KCNIP1: variants seen among roughly 807,000 people sequenced by gnomAD.
KCNIP1 encodes A-type potassium channel modulatory protein KCNIP1.
A neutral mutation model predicts 33.0 loss-of-function variants in KCNIP1; 18 were observed. That is an observed-to-expected ratio of 0.55 (90% confidence interval 0.38 to 0.81). The LOEUF (loss-of-function observed/expected upper bound fraction) is 0.81. Ranked by LOEUF, KCNIP1 falls within the 30% of genes least tolerant of loss-of-function variation. The probability of loss-of-function intolerance (pLI) is 0.00; values close to 1 mark genes in which losing one functional copy is unlikely to be tolerated. For synonymous variants in KCNIP1, 93 were observed against 98.3 expected (o/e 0.95, Z 0.32); for missense variants, 238 against 271.6 (o/e 0.88, Z 0.87).
chr5:170,615,164 A>G (rs932143444), intron 1 of KCNIP1, among the ~76,000 whole-genome samples: 4 of 152,206 alleles, frequency 2.6e-5, no homozygotes, highest in Non-Finnish European at 2.9e-5. Context: ...GCAGTGCGCC[A>G]AGATCGCGCC....
intron 1 of KCNIP1, among the ~76,000 whole-genome samples, chr5:170,593,064 G>T (rs1758319881): frequency 6.6e-6 from 1 of 152,148 alleles, no homozygotes; most frequent in Admixed American, 6.5e-5. Flanking sequence ...GGACATACTG[G>T]TTGCCTCAGA....
chr5:170,364,496 A>G (rs1488578015), intron 1 of KCNIP1, among the ~76,000 whole-genome samples: 1 of 152,254 alleles, frequency 6.6e-6, no homozygotes, highest in Non-Finnish European at 1.5e-5. Context: ...AACTGTCTCC[A>G]GTGGTTTCTT....
intron 1 of KCNIP1, among the ~76,000 whole-genome samples, chr5:170,429,790 C>T (rs372841752): frequency 1.5e-4 from 23 of 152,300 alleles, no homozygotes; most frequent in East Asian, 3.9e-4. Context: ...CTGCAAAAGA[C>T]GCCTCACAGA....
chr5:170,552,090 G>A lies in KCNIP1; in HGVS notation c.61+47457G>A, dbSNP rs568115493. ...GGAGGGAGGACCAGTCCCCTACTGC[G>A]TAGATCGAGGATGCTGCCTTTACCC... On this transcript the variant is annotated intron_variant, in intron 1 of 7. Coordinates refer to ENST00000328939, the MANE Select transcript of KCNIP1 (RefSeq NM_014592.4). Among the ~76,000 whole-genome samples the A allele has an allele frequency of 5.8e-4, 88 of 152,156 alleles. 1 individual carries two copies. Among genetic ancestry groups the A allele is most frequent in the African/African-American group, 1.9e-3 (77 of 41,490 alleles).
intron 1 of KCNIP1, among the ~76,000 whole-genome samples, chr5:170,372,973 T>G (rs1218748311): frequency 6.6e-6 from 1 of 152,136 alleles, no homozygotes; most frequent in Non-Finnish European, 1.5e-5. Flanking sequence ...ACTCTGCAAC[T>G]GGGGGAGATG....
intron 1 of KCNIP1, among the ~76,000 whole-genome samples, chr5:170,450,290 C>G (rs966989282): frequency 6.6e-6 from 1 of 152,120 alleles, no homozygotes; most frequent in African/African-American, 2.4e-5. Flanking sequence ...TGGCCCAGTC[C>G]CTTAGCCGTG....
rs560349303 is a variant in KCNIP1, at chr5:170,491,901, T to A, written c.88+137937T>A. On this transcript the variant is annotated intron_variant, in intron 1 of 7. Transcript: ENST00000377360. ...AAATAGGGCCCAGCTCGATGGCATA[T>A]AAAGGCCCTCTGACTTCCAGTAGTA... Among the ~76,000 whole-genome samples, 6 of 152,344 alleles carry A rather than the reference T, an allele frequency of 3.9e-5. No individual in the cohort carries two copies. The South Asian group carries it at 1.2e-3, about 32-fold the overall frequency.
chr5:170,708,237 A>G (rs1038736185), intron 1 of KCNIP1, among the ~76,000 whole-genome samples: 1 of 152,244 alleles, frequency 6.6e-6, no homozygotes, highest in African/African-American at 2.4e-5. Context: ...AATCAAAAAG[A>G]TGATGTTAAA....
intron 1 of KCNIP1, among the ~76,000 whole-genome samples, chr5:170,467,130 C>T (rs964484549): frequency 4.6e-5 from 7 of 152,056 alleles, no homozygotes; most frequent in Non-Finnish European, 8.8e-5. Flanking sequence ...AATGTGCTGG[C>T]GGATGGCAAA....
chr5:170,641,740 TC>T (rs1760571444), intron 1 of KCNIP1, among the ~76,000 whole-genome samples: 1 of 152,122 alleles, frequency 6.6e-6, no homozygotes, highest in African/African-American at 2.4e-5. Flanking sequence ...GGCTGCCTGC[TC>T]CAAGGGAGGC....
intron 1 of KCNIP1, among the ~76,000 whole-genome samples, chr5:170,596,384 A>C (rs1256611354): frequency 2.6e-5 from 4 of 151,968 alleles, no homozygotes; most frequent in Non-Finnish European, 5.9e-5. Context: ...TAAGGGAGAA[A>C]CTCCTTCCTT....
chr5:170,553,238 T>C (rs1190593160), intron 1 of KCNIP1, among the ~76,000 whole-genome samples: 3 of 152,250 alleles, frequency 2.0e-5, no homozygotes, highest in Non-Finnish European at 4.4e-5. Flanking sequence ...TGCCTGGAGA[T>C]CATGTGACCT....
chr5:170,604,988 G>GCTCAGGAAAGGA (rs1232187430), intron 1 of KCNIP1, among the ~76,000 whole-genome samples: 1 of 152,220 alleles, frequency 6.6e-6, no homozygotes, highest in Non-Finnish European at 1.5e-5. Flanking sequence ...CCCTCCTCCA[G>GCTCAGGAAAGGA]CTCAGGAAAG....
intron 1 of KCNIP1, among the ~76,000 whole-genome samples, chr5:170,620,659 G>A (rs1759566453): frequency 6.6e-6 from 1 of 152,150 alleles, no homozygotes; most frequent in Admixed American, 6.5e-5. Context: ...GTATCAGGTT[G>A]AATTTTTGGA....
rs1449416369 is a variant in KCNIP1, at chr5:170,504,100, T to C, written c.-473T>C. 2 of 986,068 alleles carry C rather than the reference T, an allele frequency of 2.0e-6. No homozygotes were observed. The highest frequency in any genetic ancestry group is 2.3e-4 in the East Asian group (2 of 8,840). The allele number at this position is 986,068 out of a possible 1,614,324, so 61.1% of individuals were successfully genotyped here. ...GCTCCGCGCCGCGCGGTCCGGGCTC[T>C]GTTCATTCATGATTGGTACTCGGCC... is the stretch of plus-strand genomic sequence containing the variant. On this transcript the variant is annotated 5_prime_UTR_variant, in exon 1 of 8. Coordinates refer to ENST00000328939, the MANE Select transcript of KCNIP1 (RefSeq NM_014592.4). This position sits in a 1 kb window ranked among gnomAD's most constrained non-coding sequence, Gnocchi z 6.0.
At position 170,721,867 on chromosome 5, in the gene KCNIP1, C is replaced by G; in HGVS notation, c.291C>G (p.Ala97=). The G allele has an allele frequency of 6.2e-7, 1 of 1,614,152 alleles. No individual in the cohort carries two copies. The highest frequency in any genetic ancestry group is 2.2e-5 in the East Asian group (1 of 44,876). Residue 97 remains alanine, a synonymous_variant, in exon 4 of 8, where the codon GCC becomes GCG. Transcript: ENST00000328939. ...CGTATGCCCATTACCTCTTCAATGC[C>G]TTCGACACCACTCAGACAGGCTCCG... ...ASTYAHYLFN[A]FDTTQTGSVK...
chr5:170,447,044 G>C (rs947723434), intron 1 of KCNIP1, among the ~76,000 whole-genome samples: 3 of 151,104 alleles, frequency 2.0e-5, no homozygotes, highest in African/African-American at 7.3e-5. Context: ...AAGCTCAGGT[G>C]AATCTCCATC....
intron 1 of KCNIP1, among the ~76,000 whole-genome samples, chr5:170,674,155 GGAAGGAAGGAAGGAAGGAAGGAAGGA>G (rs1476590492): frequency 5.4e-4 from 42 of 77,318 alleles, no homozygotes; most frequent in African/African-American, 2.4e-3. Flanking sequence ...AAGGAAGGAA[GGAAGGAAGGAAGGAAGGAAGGAAGGA>G]AGGGAGGGAG....
intron 1 of KCNIP1, among the ~76,000 whole-genome samples, chr5:170,652,498 A>AGGAAGGAAGG (rs59160659): frequency 4.9e-4 from 51 of 103,050 alleles, no homozygotes; most frequent in African/African-American, 2.0e-3. Context: ...AAAAAAAAAA[A>AGGAAGGAAGG]AAGGAAGGAA....
Sources: gnomAD v4.1 joint callset for allele counts (sites outside exome capture counted in the v4.1 genomes callset) on GRCh38, gnomAD v4.1.1 for gene constraint, Gnocchi (gnomAD v3.1) non-coding constraint, MANE v1.5 for transcripts, NCBI Gene and HGNC (gene_info 2026-07-23, HGNC 2026-07-21) for gene names.